HNF4G: variants seen among roughly 807,000 people sequenced by gnomAD.
The protein encoded by HNF4G is hepatocyte nuclear factor 4 gamma.
HNF4G carries 21 observed loss-of-function variants against 50.9 expected under a neutral mutation model. The ratio of observed to expected loss-of-function variants is 0.41; its 90% CI spans 0.29 to 0.59. The LOEUF is 0.59. Ranked by LOEUF, HNF4G falls within the 20% of genes least tolerant of loss-of-function variation. The pLI, the probability that HNF4G is intolerant of heterozygous loss-of-function variation, is 0.26. For synonymous variants in HNF4G, 198 were observed against 185.6 expected (o/e 1.07, Z -0.54); for missense variants, 527 against 559.4 (o/e 0.94, Z 0.58).
At chr8:75,425,872 C>A (rs1339946809) in intron 1 of HNF4G, among the ~76,000 whole-genome samples, 3 of 152,020 alleles carry the variant, frequency 2.0e-5, no homozygotes, top group African/African-American at 7.2e-5. Context: ...ATGTCTTTTA[C>A]TGGACTTGAC....
chr8:75,438,017 A>C (rs1003882616), intron 1 of HNF4G, among the ~76,000 whole-genome samples: 1 of 152,186 alleles, frequency 6.6e-6, no homozygotes, highest in Non-Finnish European at 1.5e-5. Context: ...CATAATATGT[A>C]ATTAATAGAG....
chr8:75,554,468 A>G (rs915116475), intron 5 of HNF4G, among the ~76,000 whole-genome samples: 1 of 152,186 alleles, frequency 6.6e-6, no homozygotes, highest in African/African-American at 2.4e-5. Context: ...TGAATAAGGC[A>G]TGGGAAATTA....
chr8:75,470,201 T>C (rs547021561), intron 1 of HNF4G, among the ~76,000 whole-genome samples: 2 of 152,346 alleles, frequency 1.3e-5, no homozygotes, highest in East Asian at 3.9e-4. Context: ...GCATTCTCAC[T>C]GCATTCTGCA....
chr8:75,525,530 C>G (rs1225884398), intron 2 of HNF4G, among the ~76,000 whole-genome samples: 1 of 152,146 alleles, frequency 6.6e-6, no homozygotes. Context: ...TGAAAACCAC[C>G]TCTGGGACCT....
At chr8:75,498,139 A>T (rs2130698992) in intron 2 of HNF4G, among the ~76,000 whole-genome samples, 1 of 152,256 alleles carries the variant, frequency 6.6e-6, no homozygotes, top group South Asian at 2.1e-4. Flanking sequence ...AAATTTCTCT[A>T]AATAAATAAT....
chr8:75,475,332 A>G (rs1812217875), intron 1 of HNF4G, among the ~76,000 whole-genome samples: 1 of 152,224 alleles, frequency 6.6e-6, no homozygotes, highest in African/African-American at 2.4e-5. Flanking sequence ...TAAAAAAACC[A>G]TGGCTTAAGT....
chr8:75,514,354 C>CTTTTT (rs36078375), intron 2 of HNF4G, among the ~76,000 whole-genome samples: 8 of 125,030 alleles, frequency 6.4e-5, no homozygotes, highest in Non-Finnish European at 8.2e-5. Flanking sequence ...TTTCTTCTTT[C>CTTTTT]TTTTTTTTTT....
At chr8:75,414,419 T>C (rs1478473114) in intron 1 of HNF4G, among the ~76,000 whole-genome samples, 2 of 152,120 alleles carry the variant, frequency 1.3e-5, no homozygotes, top group Non-Finnish European at 2.9e-5. Flanking sequence ...ATATTTAAAG[T>C]GTACAATTTG....
intron 1 of HNF4G, among the ~76,000 whole-genome samples, chr8:75,482,767 T>C (rs1361996608): frequency 6.6e-6 from 1 of 152,238 alleles, no homozygotes; most frequent in African/African-American, 2.4e-5. Context: ...TACCACTTGC[T>C]GGTCGTCATG....
At chr8:75,484,222 T>C (rs1013218372) in intron 1 of HNF4G, among the ~76,000 whole-genome samples, 3 of 152,186 alleles carry the variant, frequency 2.0e-5, no homozygotes, top group African/African-American at 7.2e-5. Flanking sequence ...CATGACTAAA[T>C]AGGAGAATGG....
intron 2 of HNF4G, among the ~76,000 whole-genome samples, chr8:75,498,655 A>T (rs746703661): frequency 2.6e-5 from 4 of 152,046 alleles, no homozygotes; most frequent in Non-Finnish European, 5.9e-5. Context: ...ATCCTCAACA[A>T]AATACTGTAC....
At chr8:75,478,175 G>A (rs1360370387) in intron 1 of HNF4G, among the ~76,000 whole-genome samples, 1 of 152,038 alleles carries the variant, frequency 6.6e-6, no homozygotes, top group African/African-American at 2.4e-5. Flanking sequence ...TAACCAGGGC[G>A]TGGTGGCGGG....
intron 1 of HNF4G, among the ~76,000 whole-genome samples, chr8:75,472,042 T>A (rs1195126659): frequency 6.6e-6 from 1 of 152,148 alleles, no homozygotes; most frequent in African/African-American, 2.4e-5. Context: ...TAAGGTGACA[T>A]ATATGCTGAT....
chr8:75,526,314 T>C (rs779403302), intron 2 of HNF4G, among the ~76,000 whole-genome samples: 4 of 151,972 alleles, frequency 2.6e-5, no homozygotes, highest in Non-Finnish European at 5.9e-5. Context: ...TTTATAGACC[T>C]GAGCCACTGC....
chr8:75,465,551 G>T (rs986314768), intron 1 of HNF4G, among the ~76,000 whole-genome samples: 1 of 151,922 alleles, frequency 6.6e-6, no homozygotes, highest in Non-Finnish European at 1.5e-5. Flanking sequence ...GAGACTAAAG[G>T]TATCATAAGC....
chr8:75,494,605 C>T (rs1812720695), intron 2 of HNF4G, among the ~76,000 whole-genome samples: 4 of 152,056 alleles, frequency 2.6e-5, no homozygotes, highest in Admixed American at 2.6e-4. Flanking sequence ...ACAATCTTAT[C>T]AAGGACCAGT....
At chr8:75,434,774 G>T (rs562450172) in intron 1 of HNF4G, among the ~76,000 whole-genome samples, 1 of 151,992 alleles carries the variant, frequency 6.6e-6, no homozygotes, top group African/African-American at 2.4e-5. Context: ...ATAATACAGG[G>T]ACACGATAAA....
intron 3 of HNF4G, among the ~76,000 whole-genome samples, chr8:75,550,707 T>C (rs1806924376): frequency 6.6e-6 from 1 of 152,108 alleles, no homozygotes; most frequent in South Asian, 2.1e-4. Flanking sequence ...ACTCTTTTTT[T>C]TTTTTTAACC....
upstream of HNF4G, among the ~76,000 whole-genome samples, chr8:75,537,109 G>A (rs2130776912): frequency 6.6e-6 from 1 of 152,028 alleles, no homozygotes; most frequent in South Asian, 2.1e-4. Flanking sequence ...CCAATTTTAT[G>A]CACTTATCAA....
Sources: allele counts gnomAD v4.1 joint callset (sites outside exome capture counted in the v4.1 genomes callset), GRCh38; gene constraint gnomAD v4.1.1; transcripts MANE v1.5; gene names NCBI Gene and HGNC (gene_info 2026-07-23, HGNC 2026-07-21).